The following CNST variants were observed in gnomAD, a reference collection of about 807,000 sequenced individuals.
The protein encoded by CNST is consortin.
In CNST, 39 loss-of-function variants were observed where a neutral mutation model predicts 72.4. The ratio of observed to expected loss-of-function variants is 0.54; its 90% CI spans 0.42 to 0.70. The LOEUF (loss-of-function observed/expected upper bound fraction) is 0.70, where lower values mean the gene tolerates loss of function less well. Ranked by LOEUF, CNST falls within the 30% of genes least tolerant of loss-of-function variation. The probability of loss-of-function intolerance (pLI) is 0.00; values close to 1 mark genes in which losing one functional copy is unlikely to be tolerated. For synonymous variants in CNST, 332 were observed against 320.1 expected (o/e 1.04, Z -0.40); for missense variants, 871 against 868.5 (o/e 1.00, Z -0.04).
intron 9 of CNST, 109 bp downstream of exon 9, chr1:246,648,146 G>A (rs986743172): frequency 7.6e-6 from 11 of 1,456,606 alleles, no homozygotes; most frequent in African/African-American, 4.3e-5. Context: ...CAAACATGAG[G>A]GAAAATTCTA....
intron 10 of CNST, among the ~76,000 whole-genome samples, chr1:246,660,663 C>T (rs1667052067): frequency 6.6e-6 from 1 of 152,160 alleles, no homozygotes; most frequent in Non-Finnish European, 1.5e-5. Context: ...AGACAGGTTA[C>T]AGTGAGCCAA....
At chr1:246,643,452 A>G (rs890313502) in intron 8 of CNST, among the ~76,000 whole-genome samples, 1 of 152,222 alleles carries the variant, frequency 6.6e-6, no homozygotes, top group African/African-American at 2.4e-5. Flanking sequence ...AAGTGCTATT[A>G]CAGGCTGTGC....
chr1:246,608,711 C>T (rs756852251), intron 2 of CNST, among the ~76,000 whole-genome samples: 11 of 152,172 alleles, frequency 7.2e-5, no homozygotes, highest in Non-Finnish European at 1.6e-4. Flanking sequence ...CGTTAGCAGC[C>T]TAAGGGAGCT....
chr1:246,645,423 A>AATTTTT (rs762655117), intron 8 of CNST, among the ~76,000 whole-genome samples: 1 of 106,072 alleles, frequency 9.4e-6, no homozygotes, highest in African/African-American at 3.5e-5. Context: ...AAAGGTTAAA[A>AATTTTT]CTTTTTTTTT....
chr1:246,644,321 G>A (rs975083042), intron 8 of CNST, among the ~76,000 whole-genome samples: 1 of 150,930 alleles, frequency 6.6e-6, no homozygotes, highest in Admixed American at 6.6e-5. Context: ...CCCGGGAGGC[G>A]GAGCTTGCAG....
chr1:246,576,204 C>A (rs1176761900), intron 1 of CNST, among the ~76,000 whole-genome samples: 12 of 18,684 alleles, frequency 6.4e-4, no homozygotes, highest in African/African-American at 1.5e-3. Context: ...CATTGCACTC[C>A]AGCCTGGGCG....
intron 3 of CNST, among the ~76,000 whole-genome samples, chr1:246,629,933 T>C (rs1032574869): frequency 3.1e-4 from 47 of 152,212 alleles, no homozygotes; most frequent in African/African-American, 1.1e-3. Flanking sequence ...TATTTCGCCA[T>C]GTTGGCCAAG....
intron 3 of CNST, among the ~76,000 whole-genome samples, chr1:246,630,105 A>G (rs1664681027): frequency 6.6e-6 from 1 of 152,216 alleles, no homozygotes; most frequent in African/African-American, 2.4e-5. Flanking sequence ...TAGTACTGAC[A>G]TATGAGAACC....
intron 9 of CNST, 33 bp downstream of exon 9, chr1:246,648,070 A>C: frequency 6.4e-7 from 1 of 1,561,262 alleles, no homozygotes; most frequent in Non-Finnish European, 8.6e-7. Flanking sequence ...TTAAAAGTAA[A>C]ATGGCATTTA....
chr1:246,660,971 G>GT (rs1452787402), intron 10 of CNST, among the ~76,000 whole-genome samples: 1 of 151,064 alleles, frequency 6.6e-6, no homozygotes, highest in Admixed American at 6.6e-5. Flanking sequence ...GTCTTTTGTT[G>GT]TTTTTTTGTT....
At chr1:246,621,408 C>T (rs1259287295) in intron 2 of CNST, 21 bp from the exon 3 acceptor site, 2 of 1,541,920 alleles carry the variant, frequency 1.3e-6, no homozygotes, top group East Asian at 4.5e-5. Flanking sequence ...CTAACATAGG[C>T]ATTTTCTTTA....
intron 2 of CNST, among the ~76,000 whole-genome samples, chr1:246,609,548 G>A (rs1323291889): frequency 1.3e-5 from 2 of 152,212 alleles, no homozygotes; most frequent in African/African-American, 4.8e-5. Flanking sequence ...TGGCACTCCA[G>A]CCTGGGCAAC....
intron 2 of CNST, among the ~76,000 whole-genome samples, chr1:246,612,144 G>T (rs1369799686): frequency 1.3e-5 from 2 of 152,192 alleles, no homozygotes; most frequent in Non-Finnish European, 2.9e-5. Context: ...TTTCTCTTTG[G>T]GAATGATGAA....
At chr1:246,610,768 C>T (rs1175655550) in intron 2 of CNST, among the ~76,000 whole-genome samples, 1 of 152,044 alleles carries the variant, frequency 6.6e-6, no homozygotes, top group East Asian at 1.9e-4. Flanking sequence ...GATGGGTCTT[C>T]TCTGGCCCTT....
At chr1:246,617,145 G>A (rs1335673416) in intron 2 of CNST, among the ~76,000 whole-genome samples, 1 of 152,018 alleles carries the variant, frequency 6.6e-6, no homozygotes, top group Non-Finnish European at 1.5e-5. Context: ...GAAATGAACT[G>A]TCAAGCATTA....
Position 246,647,895 on chromosome 1 carries a change from A to T in CNST, c.1694A>T (p.Tyr565Phe). ...CLKDTEDSLSYEDNQDDDSDL... is the reference protein window; with the variant it reads ...CLKDTEDSLSFEDNQDDDSDL... ...AAAGATACTGAAGATTCCCTTTCCT[A>T]TGAAGATAACCAAGACGACGACTCC... Residue 565 changes from tyrosine to phenylalanine, a missense_variant, in exon 9 of 11, where the codon TAT (tyrosine) becomes TTT (phenylalanine). Transcript: ENST00000366513. 1 of 1,614,052 alleles carries T rather than the reference A, an allele frequency of 6.2e-7. No individual in the cohort carries two copies. Among genetic ancestry groups the T allele is most frequent in the Non-Finnish European group, 8.5e-7 (1 of 1,180,012 alleles).
At chr1:246,649,795 C>T (rs1444975897) in intron 9 of CNST, among the ~76,000 whole-genome samples, 2 of 150,628 alleles carry the variant, frequency 1.3e-5, no homozygotes, top group Non-Finnish European at 1.5e-5. Flanking sequence ...TTTGCTTCTG[C>T]CTGAAAGCTG....
chr1:246,632,027 A>G, intron 4 of CNST, 103 bp downstream of exon 4: 2 of 718,814 alleles, frequency 2.8e-6, no homozygotes, highest in Non-Finnish European at 2.4e-6. Flanking sequence ...TGTACAGATC[A>G]TATGGTTTCA....
At chr1:246,635,536 T>C (rs189354889) in intron 6 of CNST, among the ~76,000 whole-genome samples, 3 of 152,318 alleles carry the variant, frequency 2.0e-5, no homozygotes, top group African/African-American at 7.2e-5. Context: ...GCTTTTCCAT[T>C]ATCGTCTATG....
Sources: gnomAD v4.1 joint callset for allele counts (sites outside exome capture counted in the v4.1 genomes callset) on GRCh38, gnomAD v4.1.1 for gene constraint, MANE v1.5 for transcripts, NCBI Gene and HGNC (gene_info 2026-07-23, HGNC 2026-07-21) for gene names.